KCTD7: variants seen among roughly 807,000 people sequenced by gnomAD.
The protein encoded by KCTD7 is BTB/POZ domain-containing protein KCTD7.
KCTD7 carries 15 observed loss-of-function variants against 27.0 expected under a neutral mutation model. The observed-to-expected ratio is 0.56, with a 90% confidence interval of 0.37 to 0.86. The LOEUF is 0.86. KCTD7 is among the 40% of genes least tolerant of loss of function. The pLI is 0.00. For missense variants in KCTD7, 299 were observed against 398.9 expected (o/e 0.75, Z 2.13); for synonymous variants, 159 against 162.7 (o/e 0.98, Z 0.17).
intron 1 of KCTD7, among the ~76,000 whole-genome samples, chr7:66,630,612 G>A (rs1161936927): frequency 1.3e-5 from 2 of 152,190 alleles, no homozygotes; most frequent in Admixed American, 1.3e-4. Context: ...AGCAGATAGT[G>A]TTGTGCTGGG....
chr7:66,635,361 A>T (rs1786562672), intron 2 of KCTD7, among the ~76,000 whole-genome samples: 1 of 152,216 alleles, frequency 6.6e-6, no homozygotes, highest in African/African-American at 2.4e-5. Context: ...ACCTTTCCCA[A>T]GAAAGGACTT....
At chr7:66,631,000 A>T (rs1786429321) in intron 1 of KCTD7, among the ~76,000 whole-genome samples, 1 of 152,224 alleles carries the variant, frequency 6.6e-6, no homozygotes, top group Non-Finnish European at 1.5e-5. Context: ...TGAGCCCTTG[A>T]TATACACATA....
intron 2 of KCTD7, among the ~76,000 whole-genome samples, chr7:66,634,192 T>TTCTGTCTATCTA (rs763643329): frequency 7.1e-6 from 1 of 139,960 alleles, no homozygotes; most frequent in East Asian, 2.1e-4. Flanking sequence ...ATGTGTGTGA[T>TTCTGTCTATCTA]TCTATCTATC....
rs1242582666 is a variant in KCTD7, at chr7:66,638,259, G to A, written c.321G>A (p.Val107=). The A allele has an allele frequency of 6.2e-7, 1 of 1,614,228 alleles. No individual in the cohort carries two copies. The highest frequency in any genetic ancestry group is 8.5e-7 in the Non-Finnish European group (1 of 1,180,050). ...IDRDGTHFGD[V]LNFLRSGDLP... ...CTCTTTCCTTCCTGCTTAGAGATGT[G>A]CTGAATTTCCTGCGCTCAGGGGACC... The change falls in exon 3 of 4, where the codon GTG becomes GTA. Residue 107 remains valine, a synonymous_variant. Transcript: ENST00000639828.
intron 1 of KCTD7, among the ~76,000 whole-genome samples, chr7:66,632,730 G>A (rs1786479972): frequency 6.6e-6 from 1 of 151,924 alleles, no homozygotes; most frequent in African/African-American, 2.4e-5. Context: ...ATGGAGTTGA[G>A]GTGGAGAGAC....
chr7:66,629,256 G>C (rs1190105419), intron 1 of KCTD7, 48 bp downstream of exon 1: 2 of 898,628 alleles, frequency 2.2e-6, no homozygotes, highest in African/African-American at 3.6e-5. Context: ...GGGCGCGGGG[G>C]AGAAGCGGGC....
intron 2 of KCTD7, among the ~76,000 whole-genome samples, chr7:66,635,069 G>A (rs1196175725): frequency 1.4e-5 from 2 of 148,144 alleles, no homozygotes; most frequent in Non-Finnish European, 3.0e-5. Flanking sequence ...GCTGAGTGCA[G>A]TGATGCAAGC....
Position 66,639,968 on chromosome 7 carries a change from T to G in KCTD7, c.*736T>G, listed in dbSNP as rs1584400430. ...CACCTTCCTTGCTTGCAGGGTTATC[T>G]TCTCACAGGGCTGGAATGCAAATTT... is the stretch of plus-strand genomic sequence containing the variant. On this transcript the variant is annotated 3_prime_UTR_variant, in exon 4 of 4. Transcript: ENST00000639828. 2.4e-6 allele frequency: 3 copies of G among 1,251,178 alleles called. No homozygotes were observed. Among genetic ancestry groups the G allele is most frequent in the East Asian group, 6.2e-5 (2 of 32,258 alleles). The allele number at this position is 1,251,178 out of a possible 1,614,324, so 77.5% of individuals were successfully genotyped here.
In KCTD7 at chr7:66,639,174, T is replaced by A. The variant is rs778718424; in HGVS notation, c.812T>A (p.Leu271His). 1.2e-6 allele frequency: 2 copies of A among 1,614,050 alleles called. No individual in the cohort carries two copies. The highest frequency in any genetic ancestry group is 1.7e-6 in the Non-Finnish European group (2 of 1,180,032). Residue 271 changes from leucine (L) to histidine (H), a missense_variant, in exon 4 of 4, where the codon CTC (leucine) becomes CAC (histidine). Transcript: ENST00000639828. ...TGCATCGGGGTGTGTGACAAGCACC[T>A]CGTGAACCACTACTACTGCAAGCGC... is the stretch of plus-strand genomic sequence containing the variant. ...HQCIGVCDKH[L>H]VNHYYCKRPI... is the part of the protein sequence containing the mutation.
chr7:66,641,495 G>T lies in KCTD7; in HGVS notation c.*2263G>T. On this transcript the variant is annotated 3_prime_UTR_variant, in exon 4 of 4. Transcript: ENST00000639828. ...GACTTGTTTGCTCAAATGCAAGTTT[G>T]CTCAAAAACAGGTCCTGAAGGCTTG... 2 of 985,388 alleles carry T rather than the reference G, an allele frequency of 2.0e-6. No homozygotes were observed. The highest frequency in any genetic ancestry group is 2.4e-6 in the Non-Finnish European group (2 of 829,934). The allele number at this position is 985,388 out of a possible 1,614,324, so 61.0% of individuals were successfully genotyped here. A position where few individuals can be genotyped will look rare whatever the true frequency, so the allele number is the denominator to read the frequency against.
chr7:66,643,170 C>A, downstream of KCTD7: 1 of 909,980 alleles, frequency 1.1e-6, no homozygotes, highest in Non-Finnish European at 1.3e-6. Context: ...CCCCACACAA[C>A]AAGACAGGCT....
At chr7:66,631,568 CAAAA>C (rs147951741) in intron 1 of KCTD7, among the ~76,000 whole-genome samples, 1 of 100,220 alleles carries the variant, frequency 1.0e-5, no homozygotes, top group African/African-American at 4.0e-5. Context: ...GATTCCGTCT[CAAAA>C]AAAAAAAAAA....
Position 66,641,339 on chromosome 7 carries a change from T to C in KCTD7, c.*2107T>C. Reference sequence around the variant, plus strand: ...AGAGGCAGACTATTGAAAAAGTCTGTGTGAACAGAGAGCAGTTCATTAAGC... The same window carrying C: ...AGAGGCAGACTATTGAAAAAGTCTGCGTGAACAGAGAGCAGTTCATTAAGC... On this transcript the variant is annotated 3_prime_UTR_variant, in exon 4 of 4. Coordinates refer to ENST00000639828, the MANE Select transcript of KCTD7 (RefSeq NM_153033.5). 4.1e-6 allele frequency: 4 copies of C among 985,420 alleles called. No homozygotes were observed. Among genetic ancestry groups the C allele is most frequent in the Non-Finnish European group, 3.6e-6 (3 of 829,920 alleles). The allele number at this position is 985,420 out of a possible 1,614,324, so 61.0% of individuals were successfully genotyped here.
At chr7:66,632,014 A>G (rs1480846651) in intron 1 of KCTD7, among the ~76,000 whole-genome samples, 1 of 152,160 alleles carries the variant, frequency 6.6e-6, no homozygotes, top group Non-Finnish European at 1.5e-5. Context: ...AGGTGCTATT[A>G]TAGAGGAGAA....
At chr7:66,631,768 A>G (rs1215215848) in intron 1 of KCTD7, among the ~76,000 whole-genome samples, 3 of 151,948 alleles carry the variant, frequency 2.0e-5, no homozygotes, top group Admixed American at 2.0e-4. Flanking sequence ...CATTTATACC[A>G]TCATTTTCAT....
intron 2 of KCTD7, among the ~76,000 whole-genome samples, chr7:66,637,005 A>G (rs575711520): frequency 6.6e-6 from 1 of 152,330 alleles, no homozygotes; most frequent in South Asian, 2.1e-4. Context: ...CCACTTTGTT[A>G]ACCACGTGCT....
chr7:66,635,488 G>A lies in KCTD7; in HGVS notation c.314+2044G>A, dbSNP rs528586470. 1.5e-3 allele frequency among the ~76,000 whole-genome samples: 221 copies of A among 151,890 alleles called. 2 individuals carry two copies. The East Asian group carries it at 0.025, about 17-fold the overall frequency. On this transcript the variant is annotated intron_variant, in intron 2 of 3. Transcript: ENST00000639828. The stretch of plus-strand genomic sequence containing the variant: ...CTTGTCAAAGAGGATTATATAAAGA[G>A]CCTTGGTGTGACCCCTAGCCATGTC...
In KCTD7 at chr7:66,642,269, C is replaced by T. The variant is rs1375015763; in HGVS notation, c.*3037C>T. On this transcript the variant is annotated 3_prime_UTR_variant, in exon 4 of 4. Coordinates refer to ENST00000639828, the MANE Select transcript of KCTD7 (RefSeq NM_153033.5). ...CATCACCTTCCTTATTTTACCTCTGCCTTGTTCACCAGGCTGCCCAGTGCT... is the reference window on the plus strand; with the variant it reads ...CATCACCTTCCTTATTTTACCTCTGTCTTGTTCACCAGGCTGCCCAGTGCT... 1 of 985,294 alleles carries T rather than the reference C, an allele frequency of 1.0e-6. No homozygotes were observed. Among genetic ancestry groups the T allele is most frequent in the Non-Finnish European group, 1.2e-6 (1 of 829,928 alleles). 61.0% of individuals were successfully genotyped at this position (985,294 alleles called of 1,614,324 possible).
chr7:66,634,207 T>TATCTATC (rs1379237416), intron 2 of KCTD7, among the ~76,000 whole-genome samples: 1 of 148,904 alleles, frequency 6.7e-6, no homozygotes, highest in African/African-American at 2.5e-5. Context: ...TCTATCTATC[T>TATCTATC]ATCTATCTAT....
Sources: gnomAD v4.1 joint callset for allele counts (sites outside exome capture counted in the v4.1 genomes callset) on GRCh38, gnomAD v4.1.1 for gene constraint, MANE v1.5 for transcripts, NCBI Gene and HGNC (gene_info 2026-07-23, HGNC 2026-07-21) for gene names.